NKAIN2: variants seen among roughly 807,000 people sequenced by gnomAD.
NKAIN2 encodes the protein sodium/potassium-transporting ATPase subunit beta-1-interacting protein 2.
Under a neutral mutation model 32.6 loss-of-function variants are expected in NKAIN2, and 14 were observed. The observed-to-expected ratio is 0.43, with a 90% CI of 0.28 to 0.67. The LOEUF is 0.67. Among genes scored for constraint, NKAIN2 ranks in the 30% least tolerant of loss-of-function variants. The pLI is 0.17. For synonymous variants in NKAIN2, 80 were observed against 87.2 expected, an observed-to-expected ratio of 0.92 and a Z score of 0.46; for missense variants, 198 against 258.3, an observed-to-expected ratio of 0.77 and a Z score of 1.60.
intron 3 of NKAIN2, among the ~76,000 whole-genome samples, chr6:124,464,135 G>T (rs1198951605): frequency 1.3e-5 from 2 of 152,012 alleles, no homozygotes; most frequent in Non-Finnish European, 2.9e-5. Context: ...TTACAGGCCT[G>T]TGCCACCATG....
intron 1 of NKAIN2, among the ~76,000 whole-genome samples, chr6:123,908,849 T>G (rs1377923217): frequency 6.6e-6 from 1 of 152,216 alleles, no homozygotes; most frequent in Non-Finnish European, 1.5e-5. Flanking sequence ...GTTTTCAGAT[T>G]GCTTCTAGCT....
intron 4 of NKAIN2, among the ~76,000 whole-genome samples, chr6:124,747,517 G>A (rs1777500345): frequency 6.6e-6 from 1 of 151,836 alleles, no homozygotes; most frequent in African/African-American, 2.4e-5. Flanking sequence ...AGCTTAGTGT[G>A]AAGGAGAGAA....
intron 1 of NKAIN2, among the ~76,000 whole-genome samples, chr6:124,127,815 G>A (rs1316238224): frequency 2.6e-5 from 4 of 152,008 alleles, no homozygotes; most frequent in African/African-American, 7.2e-5. Context: ...AGAGTGAGGA[G>A]GTCGATGGTT....
At chr6:124,680,105 ATACTG>A (rs1318225527) in intron 4 of NKAIN2, among the ~76,000 whole-genome samples, 2 of 152,198 alleles carry the variant, frequency 1.3e-5, no homozygotes, top group Non-Finnish European at 2.9e-5. Flanking sequence ...TGTTTCTACT[ATACTG>A]AAAATTCCTC....
chr6:124,325,533 T>A (rs935105356), intron 2 of NKAIN2, among the ~76,000 whole-genome samples: 14 of 152,036 alleles, frequency 9.2e-5, no homozygotes, highest in Admixed American at 7.9e-4. Context: ...AGTAAACAGG[T>A]TAGATGTATT....
At chr6:123,975,997 G>A (rs1005641902) in intron 1 of NKAIN2, among the ~76,000 whole-genome samples, 1 of 151,646 alleles carries the variant, frequency 6.6e-6, no homozygotes, top group African/African-American at 2.4e-5. Context: ...CTGTTCTGAT[G>A]ATGGTGAATA....
At chr6:124,144,677 A>ATTTAACATC in intron 1 of NKAIN2, among the ~76,000 whole-genome samples, 1 of 151,944 alleles carries the variant, frequency 6.6e-6, no homozygotes, top group Non-Finnish European at 1.5e-5. Flanking sequence ...AACTGTAAAT[A>ATTTAACATC]ATTTAACATA....
chr6:124,127,800 T>G (rs1786253392), intron 1 of NKAIN2, among the ~76,000 whole-genome samples: 1 of 152,012 alleles, frequency 6.6e-6, no homozygotes, highest in South Asian at 2.1e-4. Flanking sequence ...GAAGGCCCCA[T>G]CAGGAGAGTG....
intron 4 of NKAIN2, among the ~76,000 whole-genome samples, chr6:124,769,310 T>C (rs1320079373): frequency 6.6e-6 from 1 of 152,170 alleles, no homozygotes; most frequent in Non-Finnish European, 1.5e-5. Context: ...TTCTGCAGCA[T>C]TCCCCAAAGA....
chr6:124,500,810 G>A (rs1195711309), intron 3 of NKAIN2, among the ~76,000 whole-genome samples: 1 of 152,016 alleles, frequency 6.6e-6, no homozygotes, highest in Non-Finnish European at 1.5e-5. Flanking sequence ...TGGAGAAAAG[G>A]GTTTTTAGAT....
At chr6:124,004,810 T>A (rs1780009750) in intron 1 of NKAIN2, among the ~76,000 whole-genome samples, 1 of 150,654 alleles carries the variant, frequency 6.6e-6, no homozygotes, top group African/African-American at 2.4e-5. Flanking sequence ...TGTATACCTA[T>A]GTATCAAACC....
At chr6:124,693,160 T>G (rs1329836608) in intron 4 of NKAIN2, among the ~76,000 whole-genome samples, 1 of 152,208 alleles carries the variant, frequency 6.6e-6, no homozygotes, top group African/African-American at 2.4e-5. Context: ...ACATGACATT[T>G]TGGTCAACCA....
At chr6:124,665,551 AT>A (rs1772757567) in intron 4 of NKAIN2, among the ~76,000 whole-genome samples, 1 of 152,186 alleles carries the variant, frequency 6.6e-6, no homozygotes, top group Admixed American at 6.5e-5. Flanking sequence ...TGTTTAAAGG[AT>A]TACCATGATA....
chr6:123,932,354 C>T (rs1331640140), intron 1 of NKAIN2, among the ~76,000 whole-genome samples: 2 of 151,090 alleles, frequency 1.3e-5, no homozygotes, highest in Non-Finnish European at 2.9e-5. Context: ...GACTCTGTTC[C>T]ATTTACAAAT....
At chr6:123,963,692 C>T (rs1345079000) in intron 1 of NKAIN2, among the ~76,000 whole-genome samples, 2 of 152,146 alleles carry the variant, frequency 1.3e-5, no homozygotes, top group Non-Finnish European at 2.9e-5. Context: ...AGCAGATATT[C>T]AAGGAGACTT....
intron 4 of NKAIN2, among the ~76,000 whole-genome samples, chr6:124,684,968 A>C (rs1773791959): frequency 1.3e-5 from 2 of 152,138 alleles, no homozygotes; most frequent in Non-Finnish European, 2.9e-5. Flanking sequence ...ATTCTTATCC[A>C]TCCCATAAGA....
chr6:123,893,685 A>G (rs778296742), intron 1 of NKAIN2, among the ~76,000 whole-genome samples: 3 of 152,218 alleles, frequency 2.0e-5, no homozygotes, highest in Non-Finnish European at 4.4e-5. Flanking sequence ...TGTCCTTTTA[A>G]ATTAGAATTT....
intron 3 of NKAIN2, among the ~76,000 whole-genome samples, chr6:124,475,037 A>G (rs893577885): frequency 1.8e-4 from 27 of 151,526 alleles, no homozygotes; most frequent in Non-Finnish European, 2.5e-4. Context: ...CTTTGACTCA[A>G]CCGGATATAA....
intron 1 of NKAIN2, among the ~76,000 whole-genome samples, chr6:124,144,791 T>TA (rs34062092): frequency 2.0e-5 from 3 of 151,904 alleles, no homozygotes; most frequent in African/African-American, 7.3e-5. Context: ...TGGGCCTAAT[T>TA]AAAAAAAGTT....
Sources: gnomAD v4.1 joint callset for allele counts (sites outside exome capture counted in the v4.1 genomes callset) on GRCh38, gnomAD v4.1.1 for gene constraint, MANE v1.5 for transcripts, NCBI Gene and HGNC (gene_info 2026-07-23, HGNC 2026-07-21) for gene names.